Variants in HECW1 observed in about 807,000 individuals in gnomAD.
HECW1 encodes the protein HECT, C2 and WW domain containing E3 ubiquitin protein ligase 1.
Under a neutral mutation model 182.3 loss-of-function variants are expected in HECW1, and 61 were observed. The observed-to-expected ratio is 0.33, with a 90% CI of 0.27 to 0.41. The LOEUF is 0.41. Ranked by LOEUF, HECW1 falls within the 10% of genes least tolerant of loss-of-function variation. HECW1 has a pLI of 1.00. For synonymous variants in HECW1, 859 were observed against 832.6 expected (o/e 1.03, Z -0.55); for missense variants, 1,739 against 2,108.9 (o/e 0.82, Z 3.44).
chr7:43,140,449 G>T (rs1285280766), intron 2 of HECW1, among the ~76,000 whole-genome samples: 1 of 152,162 alleles, frequency 6.6e-6, no homozygotes, highest in African/African-American at 2.4e-5. Context: ...TTGGTTAAGG[G>T]TATATCTAAG....
intron 24 of HECW1, among the ~76,000 whole-genome samples, 176 bp from the exon 25 acceptor site, chr7:43,540,987 G>A (rs1054554891): frequency 5.9e-5 from 9 of 152,208 alleles, no homozygotes; most frequent in African/African-American, 2.2e-4. Flanking sequence ...AGCACACAGG[G>A]ATTGTTCATG....
At chr7:43,327,934 AG>A (rs1811001584) in intron 5 of HECW1, among the ~76,000 whole-genome samples, 1 of 151,236 alleles carries the variant, frequency 6.6e-6, no homozygotes, top group Non-Finnish European at 1.5e-5. Context: ...ATAAGTGCTT[AG>A]ACTTTATGTA....
intron 4 of HECW1, among the ~76,000 whole-genome samples, chr7:43,312,315 C>G (rs1808635331): frequency 1.3e-5 from 2 of 152,188 alleles, no homozygotes; most frequent in Admixed American, 6.5e-5. Context: ...ATAGCAGAGT[C>G]AGGTGTGGTT....
At chr7:43,508,543 G>A (rs17208701) in intron 23 of HECW1, among the ~76,000 whole-genome samples, 21,188 of 152,136 alleles carry the variant, frequency 0.14, 1,944 homozygotes, top group Middle Eastern at 0.2. Context: ...GTAGGAAGGC[G>A]TATCAAAATG....
intron 2 of HECW1, among the ~76,000 whole-genome samples, chr7:43,156,415 G>A (rs1322666888): frequency 3.9e-5 from 6 of 152,084 alleles, no homozygotes; most frequent in South Asian, 2.1e-4. Flanking sequence ...TCTTATCTTA[G>A]TACCTCTGGA....
intron 3 of HECW1, among the ~76,000 whole-genome samples, chr7:43,266,792 A>G (rs1163431564): frequency 6.6e-6 from 1 of 152,210 alleles, no homozygotes. Context: ...AAACTACAAA[A>G]TTCATCTATA....
chr7:43,534,240 G>A (rs542491793), intron 24 of HECW1, among the ~76,000 whole-genome samples: 7 of 152,204 alleles, frequency 4.6e-5, no homozygotes, highest in Admixed American at 2.0e-4. Context: ...AAACTATCCC[G>A]CTTCCCCTTC....
intron 6 of HECW1, among the ~76,000 whole-genome samples, chr7:43,383,402 G>C (rs941408374): frequency 2.0e-5 from 3 of 152,190 alleles, no homozygotes; most frequent in South Asian, 2.1e-4. Context: ...CCCACCAATA[G>C]TGTAAAAATA....
At chr7:43,116,443 A>G (rs1785057104) in intron 2 of HECW1, among the ~76,000 whole-genome samples, 1 of 152,176 alleles carries the variant, frequency 6.6e-6, no homozygotes, top group Admixed American at 6.5e-5. Flanking sequence ...GGACACGTCT[A>G]GGGAATGTCT....
At chr7:43,306,758 A>C (rs145946445) in intron 3 of HECW1, among the ~76,000 whole-genome samples, 18 of 152,254 alleles carry the variant, frequency 1.2e-4, no homozygotes, top group African/African-American at 3.9e-4. Context: ...AAACTGACAG[A>C]GCAGAATCTT....
intron 13 of HECW1, 77 bp from the exon 14 acceptor site, chr7:43,463,583 A>G: frequency 7.3e-7 from 1 of 1,361,626 alleles, no homozygotes; most frequent in African/African-American, 1.4e-5. Context: ...AGATTTCTCC[A>G]ATTATCTGAT....
intron 2 of HECW1, among the ~76,000 whole-genome samples, chr7:43,129,130 G>T (rs961421757): frequency 6.6e-6 from 1 of 152,214 alleles, no homozygotes; most frequent in African/African-American, 2.4e-5. Flanking sequence ...CAGCAGCAGG[G>T]TTTAAGAGGA....
At chr7:43,501,403 ATG>A in intron 21 of HECW1, 81 bp downstream of exon 21, 1 of 773,974 alleles carries the variant, frequency 1.3e-6, no homozygotes, top group Non-Finnish European at 2.3e-6. Context: ...AGGCAACTGT[ATG>A]TGTGTGTTCT....
chr7:43,532,740 GA>G (rs1397731948), intron 24 of HECW1, among the ~76,000 whole-genome samples: 1 of 152,146 alleles, frequency 6.6e-6, no homozygotes, highest in East Asian at 1.9e-4. Context: ...CATTCAGAAG[GA>G]ATTATTCTCC....
At chr7:43,512,338 G>C (rs1037594055) in intron 24 of HECW1, among the ~76,000 whole-genome samples, 2 of 152,180 alleles carry the variant, frequency 1.3e-5, no homozygotes, top group East Asian at 3.8e-4. Flanking sequence ...CTTCACTCTG[G>C]AATCAGAGAT....
chr7:43,204,186 G>T (rs1795257522), intron 2 of HECW1, among the ~76,000 whole-genome samples: 1 of 152,174 alleles, frequency 6.6e-6, no homozygotes, highest in African/African-American at 2.4e-5. Flanking sequence ...TAATTTTGTT[G>T]CTCCATCATT....
At chr7:43,458,284 G>A (rs1208007974) in intron 13 of HECW1, among the ~76,000 whole-genome samples, 1 of 152,172 alleles carries the variant, frequency 6.6e-6, no homozygotes, top group Non-Finnish European at 1.5e-5. Context: ...TTCATAAGAG[G>A]TACTGTTTTG....
chr7:43,314,485 G>T (rs878949662), intron 4 of HECW1, among the ~76,000 whole-genome samples: 2 of 151,322 alleles, frequency 1.3e-5, no homozygotes, highest in Admixed American at 6.6e-5. Flanking sequence ...GAAGGGGCAG[G>T]ATAACCAGGA....
chr7:43,450,988 A>G, intron 12 of HECW1, 59 bp downstream of exon 12: 3 of 1,204,518 alleles, frequency 2.5e-6, no homozygotes, highest in Non-Finnish European at 3.7e-6. Context: ...TAAGCAGGTC[A>G]GTATGAATTT....
Sources: gnomAD v4.1 joint callset for allele counts (sites outside exome capture counted in the v4.1 genomes callset) on GRCh38, gnomAD v4.1.1 for gene constraint, MANE v1.5 for transcripts, NCBI Gene and HGNC (gene_info 2026-07-23, HGNC 2026-07-21) for gene names.